The following ZNF398 variants were observed in gnomAD, a reference collection of about 807,000 sequenced individuals.
The protein encoded by ZNF398 is zinc finger DNA binding protein ZER6.
In ZNF398, 18 loss-of-function variants were observed where a neutral mutation model predicts 41.9. The observed-to-expected ratio is 0.43, with a 90% CI of 0.30 to 0.64. The LOEUF is 0.64. ZNF398 is among the 30% of genes least tolerant of loss of function. ZNF398 has a pLI of 0.14. For synonymous variants in ZNF398, 260 were observed against 308.8 expected, an observed-to-expected ratio of 0.84 and a Z score of 1.66; for missense variants, 669 against 822.8, an observed-to-expected ratio of 0.81 and a Z score of 2.29.
chr7:149,169,563 C>T (rs1185502184), intron 4 of ZNF398, among the ~76,000 whole-genome samples: 1 of 151,998 alleles, frequency 6.6e-6, no homozygotes, highest in East Asian at 1.9e-4. Flanking sequence ...GCCATCCTCC[C>T]ATCGCAGCCT....
At chr7:149,176,376 G>A in intron 4 of ZNF398, 92 bp from the exon 5 acceptor site, 1 of 882,064 alleles carries the variant, frequency 1.1e-6, no homozygotes, top group Non-Finnish European at 1.9e-6. Context: ...AAAATATTTG[G>A]GGCAAAATAT....
upstream of ZNF398, among the ~76,000 whole-genome samples, chr7:149,143,579 C>T (rs151215836): frequency 8.0e-4 from 122 of 152,274 alleles, no homozygotes; most frequent in African/African-American, 2.6e-3. Context: ...TCTGGGAGGC[C>T]GAGGTGGGCA....
At chr7:149,160,015 C>T (rs945658649) in intron 2 of ZNF398, among the ~76,000 whole-genome samples, 6 of 152,074 alleles carry the variant, frequency 3.9e-5, no homozygotes, top group East Asian at 1.9e-4. Flanking sequence ...TGTGAGTCAC[C>T]GGGCCCAGCC....
chr7:149,176,235 C>T (rs1195986704), intron 4 of ZNF398, among the ~76,000 whole-genome samples: 2 of 151,938 alleles, frequency 1.3e-5, no homozygotes, highest in Non-Finnish European at 2.9e-5. Context: ...CCCAGCTACT[C>T]GGGAGGCTGA....
chr7:149,133,894 G>A (rs966253995), intron 2 of ZNF398, among the ~76,000 whole-genome samples: 3 of 149,676 alleles, frequency 2.0e-5, no homozygotes, highest in African/African-American at 7.3e-5. Flanking sequence ...TGGGATTACA[G>A]GCATGCGCCA....
chr7:149,142,927 T>G (rs1826858840), upstream of ZNF398, among the ~76,000 whole-genome samples: 3 of 152,332 alleles, frequency 2.0e-5, no homozygotes, highest in Middle Eastern at 3.4e-3. Flanking sequence ...CACTATAGTT[T>G]GTTCCCATCT....
intron 1 of ZNF398, chr7:149,128,780 T>TAAAATAAAATAAAATTATA (rs71192757): frequency 3.3e-4 from 47 of 143,436 alleles, no homozygotes; most frequent in African/African-American, 1.2e-3. Flanking sequence ...TAAAATAAAA[T>TAAAATAAAATAAAATTATA]TATATATATA....
At chr7:149,137,659 C>T (rs1427405833) in intron 2 of ZNF398, among the ~76,000 whole-genome samples, 5 of 152,196 alleles carry the variant, frequency 3.3e-5, no homozygotes, top group South Asian at 2.1e-4. Context: ...GGATTACAGG[C>T]GTGAGCCACT....
At chr7:149,170,666 C>T (rs1446225352) in intron 4 of ZNF398, among the ~76,000 whole-genome samples, 1 of 151,570 alleles carries the variant, frequency 6.6e-6, no homozygotes, top group African/African-American at 2.4e-5. Flanking sequence ...ACCCAGGATG[C>T]GGAGGTTGCA....
At chr7:149,137,336 C>G (rs1320741913) in intron 2 of ZNF398, among the ~76,000 whole-genome samples, 1 of 152,150 alleles carries the variant, frequency 6.6e-6, no homozygotes, top group African/African-American at 2.4e-5. Flanking sequence ...TTGCCTTTCT[C>G]AATCTGAGGG....
Position 149,179,350 on chromosome 7 carries a change from A to G in ZNF398, c.1478A>G (p.Asn493Ser), listed in dbSNP as rs74817356. Residue 493 changes from asparagine (N) to serine (S), a missense_variant, in exon 6 of 6, where the codon AAC (asparagine) becomes AGC (serine). Around this residue, in one of 3 missense-constraint regions of ZNF398, gnomAD observed 210 missense variants for 290.4 expected, o/e 0.72. Coordinates refer to ENST00000475153, the MANE Select transcript of ZNF398 (RefSeq NM_170686.3). The surrounding 1 kb of genome is among the most constrained non-coding windows in gnomAD (Gnocchi z 6.1). ...FSCPQCGIDF[N>S]GHSALIRHQM... is the part of the protein sequence containing the mutation. Reference sequence around the variant, plus strand: ...TGCCCTCAGTGTGGCATTGACTTCAACGGCCACTCGGCCCTGATCCGCCAC... The same window carrying G: ...TGCCCTCAGTGTGGCATTGACTTCAGCGGCCACTCGGCCCTGATCCGCCAC... 6.2e-7 allele frequency: 1 copy of G among 1,613,204 alleles called. No homozygotes were observed. The highest frequency in any genetic ancestry group is 1.1e-5 in the South Asian group (1 of 91,084).
intron 2 of ZNF398, among the ~76,000 whole-genome samples, chr7:149,136,861 C>A (rs1211314730): frequency 6.7e-6 from 1 of 148,288 alleles, no homozygotes; most frequent in Non-Finnish European, 1.5e-5. Flanking sequence ...AGCCACCGCG[C>A]TGGGCCTTTT....
chr7:149,178,499 G>A lies in ZNF398; in HGVS notation c.776-149G>A, dbSNP rs1795517243. Reference sequence around the variant, plus strand: ...TTCATTTCTCTGATGATTTGCCACAGAGACCACAGATGTCTCGGTTATTAT... The same window carrying A: ...TTCATTTCTCTGATGATTTGCCACAAAGACCACAGATGTCTCGGTTATTAT... On this transcript the variant is annotated intron_variant, in intron 5 of 5. Transcript: ENST00000475153. The A allele has an allele frequency of 5.9e-6, 4 of 676,666 alleles. No individual in the cohort carries two copies. The Admixed American group carries it at 1.0e-4, about 17-fold the overall frequency. 41.9% of individuals were successfully genotyped at this position (676,666 alleles called of 1,614,324 possible).
intron 2 of ZNF398, among the ~76,000 whole-genome samples, chr7:149,155,702 TATA>T (rs1431938154): frequency 0.069 from 3,866 of 56,192 alleles, 65 homozygotes; most frequent in Admixed American, 0.11. Flanking sequence ...TATATATATA[TATA>T]TATTTTTTTT....
At chr7:149,142,557 C>T (rs893536424), upstream of ZNF398, among the ~76,000 whole-genome samples, 11 of 152,306 alleles carry the variant, frequency 7.2e-5, no homozygotes, top group African/African-American at 2.6e-4. Context: ...GTCCCAGCTA[C>T]TCGGGAGGCT....
chr7:149,130,012 T>A, intron 2 of ZNF398, among the ~76,000 whole-genome samples: 1 of 152,012 alleles, frequency 6.6e-6, no homozygotes, highest in Non-Finnish European at 1.5e-5. Context: ...TTGGTCAGGC[T>A]GGTCTCGAAC....
intron 4 of ZNF398, among the ~76,000 whole-genome samples, chr7:149,173,093 ATTTTTTTT>A (rs71192762): frequency 3.1e-5 from 2 of 64,954 alleles, no homozygotes; most frequent in African/African-American, 5.8e-5. Context: ...GGCAATTTCT[ATTTTTTTT>A]TTTTTTTTTT....
chr7:149,173,016 G>A (rs6961605), intron 4 of ZNF398, among the ~76,000 whole-genome samples: 81,050 of 151,100 alleles, frequency 0.54, 25,166 homozygotes, highest in East Asian at 0.88. Flanking sequence ...CTAGTGGCGG[G>A]TCTTGCCTCA....
intron 2 of ZNF398, among the ~76,000 whole-genome samples, chr7:149,138,361 C>G (rs1360435513): frequency 6.6e-6 from 1 of 152,088 alleles, no homozygotes; most frequent in Admixed American, 6.6e-5. Flanking sequence ...GGGTGGATCA[C>G]CTGAGATCAG....
Sources: allele counts gnomAD v4.1 joint callset (sites outside exome capture counted in the v4.1 genomes callset), GRCh38; gene constraint gnomAD v4.1.1; regional missense constraint gnomAD v4.1.1; non-coding constraint Gnocchi (gnomAD v3.1); transcripts MANE v1.5; gene names NCBI Gene and HGNC (gene_info 2026-07-23, HGNC 2026-07-21).